SOX5: variants seen among roughly 807,000 people sequenced by gnomAD.
SOX5 encodes SRY-box transcription factor 5, also known as transcription factor SOX-5.
SOX5 carries 9 observed loss-of-function variants against 92.0 expected under a neutral mutation model. That is an observed-to-expected ratio of 0.10 (90% CI 0.06 to 0.17). The LOEUF is 0.17. SOX5 is among the 10% of genes least tolerant of loss of function. The pLI is 1.00. For synonymous variants in SOX5, 344 were observed against 336.3 expected (o/e 1.02, Z -0.25); for missense variants, 642 against 944.5 (o/e 0.68, Z 4.20).
At chr12:24,007,152 T>A (rs1242619119) in intron 4 of SOX5, among the ~76,000 whole-genome samples, 83 of 73,076 alleles carry the variant, frequency 1.1e-3, no homozygotes, top group East Asian at 2.9e-3. Flanking sequence ...TATATATATA[T>A]ATATATATAC....
chr12:23,618,897 T>C (rs1160806851), intron 8 of SOX5, among the ~76,000 whole-genome samples: 2 of 152,098 alleles, frequency 1.3e-5, no homozygotes, highest in Non-Finnish European at 1.5e-5. Context: ...AAAAGGAATT[T>C]CCCCTGAACT....
intron 4 of SOX5, among the ~76,000 whole-genome samples, chr12:24,143,867 GAAGGAGGAGGAGGAGGA>G (rs1027160023): frequency 4.0e-5 from 6 of 151,314 alleles, no homozygotes; most frequent in African/African-American, 1.2e-4. Context: ...AGAAGGAGGA[GAAGGAGGAGGAGGAGGA>G]AAGGAGGAGG....
chr12:23,760,019 T>C (rs2094520863), intron 3 of SOX5, among the ~76,000 whole-genome samples: 1 of 152,064 alleles, frequency 6.6e-6, no homozygotes, highest in Non-Finnish European at 1.5e-5. Flanking sequence ...ATGTGTCATG[T>C]TTTTCACTTA....
At chr12:23,742,351 T>G (rs2093827219) in intron 4 of SOX5, among the ~76,000 whole-genome samples, 1 of 152,218 alleles carries the variant, frequency 6.6e-6, no homozygotes, top group Non-Finnish European at 1.5e-5. Flanking sequence ...CCATTTCTTA[T>G]GCTCTTTCTT....
chr12:23,584,182 G>A (rs949819839), intron 9 of SOX5, among the ~76,000 whole-genome samples: 5 of 152,030 alleles, frequency 3.3e-5, no homozygotes, highest in Non-Finnish European at 7.4e-5. Context: ...TTGATCCACT[G>A]GAGTCATATA....
At chr12:24,286,517 T>A (rs113344683) in intron 2 of SOX5, among the ~76,000 whole-genome samples, 1 of 152,092 alleles carries the variant, frequency 6.6e-6, no homozygotes, top group Non-Finnish European at 1.5e-5. Context: ...ATGCTCCAGA[T>A]GAAAGAACAA....
At chr12:24,064,049 C>T (rs1264344986) in intron 4 of SOX5, among the ~76,000 whole-genome samples, 1 of 152,194 alleles carries the variant, frequency 6.6e-6, no homozygotes, top group African/African-American at 2.4e-5. Context: ...TTAAGCTCAG[C>T]ATCCAGAACT....
intron 4 of SOX5, among the ~76,000 whole-genome samples, chr12:24,130,156 A>T (rs1415023718): frequency 6.6e-6 from 1 of 152,218 alleles, no homozygotes; most frequent in African/African-American, 2.4e-5. Flanking sequence ...ACCAAGGAGC[A>T]TGGAAGGTAG....
At chr12:23,703,689 A>G (rs2090981881) in intron 6 of SOX5, among the ~76,000 whole-genome samples, 1 of 151,430 alleles carries the variant, frequency 6.6e-6, no homozygotes, top group Admixed American at 6.6e-5. Flanking sequence ...TGAAATTTTC[A>G]AGCTACATAT....
At chr12:23,610,058 GA>G (rs368716798) in intron 8 of SOX5, among the ~76,000 whole-genome samples, 1,532 of 151,606 alleles carry the variant, frequency 0.01, 13 homozygotes, top group Middle Eastern at 0.031. Flanking sequence ...GCTATTTTGG[GA>G]AAAAAAATAG....
intron 4 of SOX5, among the ~76,000 whole-genome samples, chr12:24,158,750 G>GA (rs1952454559): frequency 1.3e-5 from 2 of 151,894 alleles, no homozygotes; most frequent in Non-Finnish European, 2.9e-5. Flanking sequence ...TGATTTTAGA[G>GA]AAACAAAAGT....
At chr12:24,379,634 C>T (rs558372665) in intron 1 of SOX5, among the ~76,000 whole-genome samples, 11 of 152,196 alleles carry the variant, frequency 7.2e-5, no homozygotes, top group African/African-American at 2.4e-4. Context: ...AGAGTGAAGC[C>T]GACATTCAAA....
At chr12:23,726,587 T>C (rs2093147204) in intron 6 of SOX5, among the ~76,000 whole-genome samples, 1 of 152,184 alleles carries the variant, frequency 6.6e-6, no homozygotes, top group Non-Finnish European at 1.5e-5. Context: ...GTTTTGTTTC[T>C]ACTACTTGAA....
At chr12:24,134,347 T>G (rs576586066) in intron 4 of SOX5, among the ~76,000 whole-genome samples, 1 of 152,318 alleles carries the variant, frequency 6.6e-6, no homozygotes, top group African/African-American at 2.4e-5. Context: ...GAGGATACCA[T>G]GAAAAAGCCT....
intron 2 of SOX5, among the ~76,000 whole-genome samples, chr12:23,883,105 C>T (rs2097017135): frequency 6.6e-6 from 1 of 151,456 alleles, no homozygotes; most frequent in South Asian, 2.1e-4. Context: ...GGCGTGAACC[C>T]GGGAGGTGGA....
At chr12:23,665,832 A>T (rs1233091156) in intron 6 of SOX5, among the ~76,000 whole-genome samples, 1 of 152,154 alleles carries the variant, frequency 6.6e-6, no homozygotes, top group Non-Finnish European at 1.5e-5. Flanking sequence ...AGTGACGAAA[A>T]TATCACTACT....
At chr12:24,195,603 A>AAATAAAAG (rs1338258406) in intron 4 of SOX5, among the ~76,000 whole-genome samples, 1 of 152,208 alleles carries the variant, frequency 6.6e-6, no homozygotes, top group Non-Finnish European at 1.5e-5. Context: ...TATAAGTTAT[A>AAATAAAAG]AATAAAAGAG....
At chr12:23,617,704 C>T (rs967581457) in intron 8 of SOX5, among the ~76,000 whole-genome samples, 2 of 152,042 alleles carry the variant, frequency 1.3e-5, no homozygotes, top group Admixed American at 6.6e-5. Context: ...GATACTAAAG[C>T]CTATAAATAA....
At chr12:24,324,157 T>C (rs930854788) in intron 2 of SOX5, among the ~76,000 whole-genome samples, 4 of 152,162 alleles carry the variant, frequency 2.6e-5, no homozygotes, top group African/African-American at 7.2e-5. Context: ...TCATTTTGCT[T>C]GAAGTTAGTT....
Sources: allele counts gnomAD v4.1 joint callset (sites outside exome capture counted in the v4.1 genomes callset), GRCh38; gene constraint gnomAD v4.1.1; transcripts MANE v1.5; gene names NCBI Gene and HGNC (gene_info 2026-07-23, HGNC 2026-07-21).